PML: variants seen among roughly 807,000 people sequenced by gnomAD.
PML encodes the protein PML nuclear body scaffold.
A neutral mutation model predicts 65.2 loss-of-function variants in PML; 28 were observed. The ratio of observed to expected loss-of-function variants is 0.43; its 90% CI spans 0.32 to 0.59. The LOEUF (loss-of-function observed/expected upper bound fraction) is 0.59. PML is among the 20% of genes least tolerant of loss of function. PML has a pLI of 0.08. For missense variants in PML, 1,021 were observed against 1,203.4 expected, an observed-to-expected ratio of 0.85 and a Z score of 2.24; for synonymous variants, 500 against 508.8, an observed-to-expected ratio of 0.98 and a Z score of 0.23.
At position 74,040,410 on chromosome 15, in the gene PML, A is replaced by AGT. The variant is rs1225679967; in HGVS notation, c.1711-2577_1711-2576dup. On this transcript the variant is annotated intron_variant, in intron 7 of 8. Coordinates refer to ENST00000268058, the MANE Select transcript of PML (RefSeq NM_033238.3). ...TTCCAAGCAAATCTAAGTCTTTTCC[A>AGT]GTGACTGTCCCTCTCTATGCTCCCC... Among the ~76,000 whole-genome samples the AGT allele has an allele frequency of 2.6e-5, 4 of 152,132 alleles. No individual in the cohort carries two copies. The South Asian group carries it at 8.3e-4, about 32-fold the overall frequency.
chr15:74,021,317 T>A (rs1426245058), intron 2 of PML, among the ~76,000 whole-genome samples: 3 of 152,228 alleles, frequency 2.0e-5, no homozygotes, highest in Non-Finnish European at 4.4e-5. Context: ...CCAGGCACGG[T>A]GGCTCACACC....
Position 74,044,590 on chromosome 15 carries a change from T to A in PML, c.2231T>A (p.Met744Lys), listed in dbSNP as rs1174666365. Residue 744 changes from methionine to lysine, a missense_variant, in exon 9 of 9, where the codon ATG (methionine) becomes AAG (lysine). Met to Lys is a moderately conservative substitution (Grantham distance 95, BLOSUM62 -1). Coordinates refer to ENST00000268058, the MANE Select transcript of PML (RefSeq NM_033238.3). ...LARNMSERSA[M>K]AAVLAMRDLC... ...AGAAACATGAGCGAGCGCAGCGCCA[T>A]GGCTGCCGTGCTGGCCATGCGTGAC... is the stretch of plus-strand genomic sequence containing the variant. 1 of 1,609,296 alleles carries A rather than the reference T, an allele frequency of 6.2e-7. No homozygotes were observed. The highest frequency in any genetic ancestry group is 1.1e-5 in the South Asian group (1 of 91,082).
At chr15:74,020,128 A>G (rs1030947651) in intron 2 of PML, among the ~76,000 whole-genome samples, 1 of 152,120 alleles carries the variant, frequency 6.6e-6, no homozygotes, top group African/African-American at 2.4e-5. Context: ...AGTTCTTTTC[A>G]TAATTGCTTA....
rs148158604 is a variant in PML at position 74,032,699 on chromosome 15, G to T, written c.1382G>T (p.Gly461Val). ...CCAGTGTACGCCTTCTCCATCAAAG[G>T]CCCTTCCTATGGAGAGGTAAGGTTC... The part of the protein sequence containing the change: ...PVPVYAFSIK[G>V]PSYGEDVSNT... Residue 461 changes from glycine to valine, a missense_variant, in exon 5 of 9, where the codon GGC becomes GTC. Gly to Val is a moderately radical substitution (Grantham distance 109). Transcript: ENST00000268058. 1.9e-6 allele frequency: 3 copies of T among 1,614,198 alleles called. No individual in the cohort carries two copies. The highest frequency in any genetic ancestry group is 2.5e-6 in the Non-Finnish European group (3 of 1,180,012).
chr15:74,029,642 G>A (rs766208082), intron 4 of PML, among the ~76,000 whole-genome samples: 31 of 151,926 alleles, frequency 2.0e-4, no homozygotes, highest in Non-Finnish European at 3.4e-4. Flanking sequence ...AAGAAAGAAA[G>A]AAAAAAGTTT....
intron 7 of PML, chr15:74,036,201 G>A (rs993819753): frequency 1.9e-6 from 3 of 1,586,386 alleles, no homozygotes; most frequent in Non-Finnish European, 2.6e-6. Context: ...CTTTGCCCAA[G>A]AAAGAAACTT....
chr15:74,013,644 GT>G (rs141792957), intron 2 of PML, among the ~76,000 whole-genome samples: 7,412 of 152,198 alleles, frequency 0.049, 232 homozygotes, highest in African/African-American at 0.085. Flanking sequence ...AGAGCTGCCC[GT>G]TCTCACCATA....
chr15:74,034,722 C>A (rs1156716319), intron 7 of PML, 192 bp downstream of exon 7: 2 of 1,510,430 alleles, frequency 1.3e-6, no homozygotes, highest in Admixed American at 4.1e-5. Flanking sequence ...CCAGCCCTCC[C>A]ACTACACCAG....
At chr15:74,041,439 C>G (rs139704892) in intron 7 of PML, 1 of 152,382 alleles carries the variant, frequency 6.6e-6, no homozygotes, top group Non-Finnish European at 1.5e-5. Context: ...TGGGCTCACC[C>G]GGAGCAAGAC....
rs1024982907 is a variant in PML, at chr15:74,025,000, C to T, written c.1254+73C>T. 1.4e-5 allele frequency: 14 copies of T among 975,324 alleles called. No homozygotes were observed. In the African/African-American group the frequency reaches 2.1e-4, roughly 14 times the overall value. The allele number at this position is 975,324 out of a possible 1,614,324, so 60.4% of individuals were successfully genotyped here. A position where few individuals can be genotyped will look rare whatever the true frequency, so the allele number is the denominator to read the frequency against. The stretch of plus-strand genomic sequence containing the variant: ...TCAGGCAGGTTGTGAGTCCTGCTGT[C>T]CCTGTGTGTGCAGGGAGAGCGTCTG... On this transcript the variant is annotated intron_variant, in intron 4 of 8. Coordinates refer to ENST00000268058, the MANE Select transcript of PML (RefSeq NM_033238.3).
intron 3 of PML, among the ~76,000 whole-genome samples, chr15:74,024,096 A>C (rs2070968046): frequency 6.6e-6 from 1 of 152,088 alleles, no homozygotes; most frequent in African/African-American, 2.4e-5. Flanking sequence ...GGGGGCTTTC[A>C]AAATAAGGGG....
At chr15:74,036,236 T>C (rs1595919048) in intron 7 of PML, 2 of 1,519,740 alleles carry the variant, frequency 1.3e-6, no homozygotes, top group East Asian at 4.9e-5. Context: ...CTCTCCTGTA[T>C]TCTGAGTCCC....
chr15:74,035,113 G>T lies in PML; in HGVS notation c.1710+583G>T. ...GGGGATCTGAATAGAGTGAAAGGTT[G>T]GACTGGGTGGCCCCTGAGGTCTCTT... On this transcript the variant is annotated intron_variant, in intron 7 of 8. Transcript: ENST00000268058. The surrounding 1 kb of genome is among the most constrained non-coding windows in gnomAD (Gnocchi z 4.1). 8.8e-7 allele frequency: 1 copy of T among 1,142,042 alleles called. No individual in the cohort carries two copies. Among genetic ancestry groups the T allele is most frequent in the Non-Finnish European group, 1.3e-6 (1 of 754,450 alleles). 70.7% of individuals were successfully genotyped at this position (1,142,042 alleles called of 1,614,324 possible).
At position 74,044,941 on chromosome 15, in the gene PML, G is replaced by A. The variant is rs370339805; in HGVS notation, c.2582G>A (p.Arg861Gln). ...CTGTTGGAGGGTCCGGCGCTGGCAC[G>A]GGCAGAAGGAGTCTCCACCCCACTT... Reference protein sequence around the residue: ...EGLLEGPALARAEGVSTPLAG... With the variant: ...EGLLEGPALAQAEGVSTPLAG... Residue 861 changes from arginine to glutamine, a missense_variant, in exon 9 of 9, where the codon CGG (arginine) becomes CAG (glutamine). Physicochemically the swap from Arg to Gln is conservative, Grantham distance 43. Transcript: ENST00000268058. The A allele has an allele frequency of 3.2e-5, 52 of 1,612,606 alleles. No individual in the cohort carries two copies. In the African/African-American group the frequency reaches 3.5e-4, roughly 11 times the overall value.
At chr15:74,031,814 T>C (rs1358435500) in intron 4 of PML, among the ~76,000 whole-genome samples, 1 of 152,244 alleles carries the variant, frequency 6.6e-6, no homozygotes, top group Admixed American at 6.5e-5. Flanking sequence ...GAACAATATT[T>C]ATCATCATCA....
In PML at chr15:74,042,524, C is replaced by A; in HGVS notation, c.1711-465C>A. The A allele has an allele frequency of 1.0e-6, 1 of 985,448 alleles. No individual in the cohort carries two copies. The highest frequency in any genetic ancestry group is 1.2e-6 in the Non-Finnish European group (1 of 829,910). 61.0% of individuals were successfully genotyped at this position (985,448 alleles called of 1,614,324 possible). A position where few individuals can be genotyped will look rare whatever the true frequency, so the allele number is the denominator to read the frequency against. ...CTGCTCAGAAAGATGAAATTAGGAG[C>A]AGACATCTCAGGTCCTGCCTGCCAT... On this transcript the variant is annotated intron_variant, in intron 7 of 8. Transcript: ENST00000268058. The surrounding 1 kb of genome is among the most constrained non-coding windows in gnomAD (Gnocchi z 5.3).
At chr15:74,030,954 A>G (rs917582395) in intron 4 of PML, among the ~76,000 whole-genome samples, 1 of 151,750 alleles carries the variant, frequency 6.6e-6, no homozygotes, top group Non-Finnish European at 1.5e-5. Flanking sequence ...AAATGATTAA[A>G]TTTTTTTCTT....
At chr15:74,023,926 C>A (rs560796206) in intron 3 of PML, among the ~76,000 whole-genome samples, 1 of 152,148 alleles carries the variant, frequency 6.6e-6, no homozygotes, top group Admixed American at 6.5e-5. Context: ...CCAACCTTTG[C>A]GCGCCCTGCC....
At chr15:74,012,527 C>A (rs993673563) in intron 2 of PML, among the ~76,000 whole-genome samples, 4 of 152,162 alleles carry the variant, frequency 2.6e-5, no homozygotes, top group Non-Finnish European at 5.9e-5. Context: ...CCAGGCTGGT[C>A]TCGAACTCCT....
Sources: allele counts gnomAD v4.1 joint callset (sites outside exome capture counted in the v4.1 genomes callset), GRCh38; gene constraint gnomAD v4.1.1; non-coding constraint Gnocchi (gnomAD v3.1); transcripts MANE v1.5; gene names NCBI Gene and HGNC (gene_info 2026-07-23, HGNC 2026-07-21).